C16orf89: variants seen among roughly 807,000 people sequenced by gnomAD.
C16orf89 encodes UPF0764 protein C16orf89.
In C16orf89, 57 loss-of-function variants were observed where a neutral mutation model predicts 41.5. The ratio of observed to expected loss-of-function variants is 1.38; its 90% confidence interval spans 1.11 to 1.71. The LOEUF is 1.71. C16orf89 is among the 40% of genes most tolerant of loss of function. The probability of loss-of-function intolerance (pLI) is 0.00; values close to 1 mark genes in which losing one functional copy is unlikely to be tolerated. For synonymous variants in C16orf89, 223 were observed against 190.6 expected, an observed-to-expected ratio of 1.17 and a Z score of -1.40; for missense variants, 575 against 445.9, an observed-to-expected ratio of 1.29 and a Z score of -2.61.
chr16:5,065,195 C>T (rs1409292699), intron 1 of C16orf89, among the ~76,000 whole-genome samples: 1 of 152,198 alleles, frequency 6.6e-6, no homozygotes, highest in Non-Finnish European at 1.5e-5. Flanking sequence ...CTGTCTCCAG[C>T]CCCCTTCTTG....
At chr16:5,044,110 C>T, downstream of C16orf89, 1 of 1,208,442 alleles carries the variant, frequency 8.3e-7, no homozygotes, top group Non-Finnish European at 1.0e-6. Context: ...AGAAACAAGA[C>T]TCAACCCTGG....
chr16:5,054,856 C>T (rs183970284), intron 6 of C16orf89, among the ~76,000 whole-genome samples: 28 of 152,192 alleles, frequency 1.8e-4, no homozygotes, highest in Admixed American at 6.5e-4. Flanking sequence ...CTATGTGAGA[C>T]GTCCCTTTCG....
At chr16:5,055,509 T>G in intron 5 of C16orf89, 159 bp from the exon 6 acceptor site, 1 of 950,312 alleles carries the variant, frequency 1.1e-6, no homozygotes, top group East Asian at 2.6e-5. Context: ...CTTGAGCCTT[T>G]GCCTGACCAA....
intron 3 of C16orf89, 68 bp from the exon 4 acceptor site, chr16:5,058,678 CT>C: frequency 1.5e-6 from 2 of 1,331,948 alleles, no homozygotes; most frequent in African/African-American, 1.5e-5. Flanking sequence ...TCCCAGCCCC[CT>C]AGTTGTAGTT....
intron 1 of C16orf89, among the ~76,000 whole-genome samples, chr16:5,064,460 G>A (rs1244989366): frequency 6.6e-6 from 1 of 152,214 alleles, no homozygotes; most frequent in Non-Finnish European, 1.5e-5. Context: ...TGAGACACAT[G>A]TGCATGATCG....
chr16:5,061,502 A>G lies in C16orf89; in HGVS notation c.358+923T>C, dbSNP rs371141333. On this transcript the variant is annotated intron_variant, in intron 2 of 7. Coordinates refer to ENST00000472572, the MANE Select transcript of C16orf89 (RefSeq NM_001098514.3). ...ACTGTCTCAAAAAAAAAAAAAAAAA[A>G]AACCCCCCCAAAAAAAAAAACAAGT... 2.1e-3 allele frequency among the ~76,000 whole-genome samples: 98 copies of G among 46,616 alleles called. 1 individual carries two copies. The highest frequency in any genetic ancestry group is 0.02 in the Middle Eastern group (1 of 50). The allele number at this position is 46,616 out of a possible 152,430, so 30.6% of individuals were successfully genotyped here. A position where few individuals can be genotyped will look rare whatever the true frequency, so the allele number is the denominator to read the frequency against.
intron 1 of C16orf89, among the ~76,000 whole-genome samples, chr16:5,064,482 C>G (rs1396487916): frequency 6.6e-6 from 1 of 152,254 alleles, no homozygotes; most frequent in South Asian, 2.1e-4. Flanking sequence ...GTGATACTCC[C>G]ATCCACCAGC....
chr16:5,050,898 A>G (rs1042494092), intron 6 of C16orf89, among the ~76,000 whole-genome samples: 1 of 152,240 alleles, frequency 6.6e-6, no homozygotes, highest in South Asian at 2.1e-4. Flanking sequence ...ATGGTTCAAC[A>G]TATGCAAATC....
In C16orf89 at chr16:5,056,092, C is replaced by T. The variant is rs762467164; in HGVS notation, c.724G>A (p.Gly242Arg). The T allele has an allele frequency of 1.3e-5, 20 of 1,596,986 alleles. 1 individual carries two copies. The highest frequency in any genetic ancestry group is 3.3e-4 in the Middle Eastern group (2 of 6,044). Reference protein sequence around the residue: ...MDLNRRAEAIGYAYPTRDIFM... With the variant: ...MDLNRRAEAIRYAYPTRDIFM... ...ATGTCCCGGGTAGGGTAGGCGTATC[C>T]GATGGCCTCAGCTCTGCGGTTCAAG... Residue 242 changes from glycine (G) to arginine (R), a missense_variant, in exon 5 of 8, where the codon GGA becomes AGA. Physicochemically the swap from Gly to Arg is moderately radical, Grantham distance 125. Transcript: ENST00000472572.
At chr16:5,058,724 G>T in intron 3 of C16orf89, 114 bp from the exon 4 acceptor site, 1 of 780,090 alleles carries the variant, frequency 1.3e-6, no homozygotes, top group Non-Finnish European at 2.0e-6. Flanking sequence ...ACACCCAGCT[G>T]GGCATGGGGG....
At chr16:5,051,037 T>C in intron 6 of C16orf89, among the ~76,000 whole-genome samples, 1 of 152,182 alleles carries the variant, frequency 6.6e-6, no homozygotes, top group Non-Finnish European at 1.5e-5. Flanking sequence ...ACGTTAGGTA[T>C]AGAAGGAATG....
rs1956605207 is a variant in C16orf89 at position 5,060,943 on chromosome 16, GC to G, written c.359-508del. Among the ~76,000 whole-genome samples the G allele has an allele frequency of 4.7e-5, 5 of 106,828 alleles. No individual in the cohort carries two copies. In the South Asian group the frequency reaches 1.7e-3, roughly 36 times the overall value. The allele number at this position is 106,828 out of a possible 152,430, so 70.1% of individuals were successfully genotyped here. A position where few individuals can be genotyped will look rare whatever the true frequency, so the allele number is the denominator to read the frequency against. On this transcript the variant is annotated intron_variant, in intron 2 of 7. Transcript: ENST00000472572. ...TGGAGAATGCAGTGAGCTATGATCA[GC>G]CTTTTTTTTTTTTTTTTTTTTTTTT...
chr16:5,055,512 C>G (rs1421938535), intron 5 of C16orf89, 162 bp from the exon 6 acceptor site: 2 of 959,296 alleles, frequency 2.1e-6, no homozygotes, highest in African/African-American at 3.3e-5. Context: ...GAGCCTTTGC[C>G]TGACCAACTA....
At chr16:5,062,273 G>T in intron 2 of C16orf89, 152 bp downstream of exon 2, 1 of 979,464 alleles carries the variant, frequency 1.0e-6, no homozygotes, top group Non-Finnish European at 1.4e-6. Flanking sequence ...CGTCCCCAGG[G>T]CTCGTCTGTG....
chr16:5,055,824 G>A (rs762565918), intron 5 of C16orf89: 11 of 1,383,780 alleles, frequency 7.9e-6, no homozygotes, highest in Non-Finnish European at 1.1e-5. Flanking sequence ...TTGAGTGTAA[G>A]TATATCCCAT....
At chr16:5,055,754 C>A (rs531204165) in intron 5 of C16orf89, 1 of 1,532,306 alleles carries the variant, frequency 6.5e-7, no homozygotes. Context: ...CACACAGTGG[C>A]AGGTAAAATA....
At chr16:5,055,649 C>G (rs976786762) in intron 5 of C16orf89, 1 of 1,512,416 alleles carries the variant, frequency 6.6e-7, no homozygotes, top group Non-Finnish European at 8.9e-7. Flanking sequence ...CCCTGTCTGC[C>G]TCATCCATAA....
chr16:5,056,501 A>AG (rs1046836032), intron 4 of C16orf89, among the ~76,000 whole-genome samples: 29 of 152,176 alleles, frequency 1.9e-4, no homozygotes, highest in Admixed American at 1.6e-3. Flanking sequence ...GGGCTCTCGT[A>AG]GGGGGATGAC....
intron 6 of C16orf89, 52 bp from the exon 7 acceptor site, chr16:5,048,016 AT>A: frequency 3.0e-6 from 3 of 1,004,278 alleles, no homozygotes; most frequent in Non-Finnish European, 3.1e-6. Context: ...TATTTTTTAC[AT>A]TTTTATTTCT....
Sources: gnomAD v4.1 joint callset for allele counts (sites outside exome capture counted in the v4.1 genomes callset) on GRCh38, gnomAD v4.1.1 for gene constraint, MANE v1.5 for transcripts, NCBI Gene and HGNC (gene_info 2026-07-23, HGNC 2026-07-21) for gene names.